Variants in AARS2 observed in about 807,000 individuals in gnomAD.
The protein encoded by AARS2 is alanine--tRNA ligase, mitochondrial.
AARS2 carries 78 observed loss-of-function variants against 119.7 expected under a neutral mutation model. The observed-to-expected ratio is 0.65, with a 90% confidence interval of 0.54 to 0.79. The LOEUF (loss-of-function observed/expected upper bound fraction) is 0.79, where lower values mean the gene tolerates loss of function less well. AARS2 is among the 30% of genes least tolerant of loss of function. AARS2 has a pLI of 0.00. For synonymous variants in AARS2, 502 were observed against 526.3 expected, an observed-to-expected ratio of 0.95 and a Z score of 0.63; for missense variants, 1,157 against 1,291.3, an observed-to-expected ratio of 0.90 and a Z score of 1.59.
intron 4 of AARS2, 141 bp downstream of exon 4, chr6:44,310,853 A>G (rs1786286589): frequency 9.8e-7 from 1 of 1,019,010 alleles, no homozygotes; most frequent in Non-Finnish European, 1.5e-6. Context: ...GTTATTATCT[A>G]TAAGGTGTTG....
At position 44,304,773 on chromosome 6, in the gene AARS2, C is replaced by T. The variant is rs1469065207; in HGVS notation, c.1624G>A (p.Asp542Asn). The T allele has an allele frequency of 2.5e-6, 4 of 1,614,088 alleles. No homozygotes were observed. Among genetic ancestry groups the T allele is most frequent in the Non-Finnish European group, 3.4e-6 (4 of 1,180,040 alleles). Residue 542 changes from aspartate to asparagine, a missense_variant, in exon 12 of 22, where the codon GAC becomes AAC. By Grantham distance (23) the Asp-to-Asn change is conservative (BLOSUM62 1). Transcript: ENST00000244571. ...CCCACGGAGGCCACTGCTGTCCCGTCCTCTGTATACAGTTGCAACACCTGG... is the reference window on the plus strand; with the variant it reads ...CCCACGGAGGCCACTGCTGTCCCGTTCTCTGTATACAGTTGCAACACCTGG... ...EAQVLQLYTEDGTAVASVGKG... is the reference protein window; with the variant it reads ...EAQVLQLYTENGTAVASVGKG...
chr6:44,303,571 C>A, intron 14 of AARS2, 148 bp from the exon 15 acceptor site: 1 of 1,236,596 alleles, frequency 8.1e-7, no homozygotes, highest in South Asian at 1.3e-5. Flanking sequence ...ATAAACACTA[C>A]CTGAGCAGAC....
Position 44,310,525 on chromosome 6 carries a change from G to A in AARS2, c.750-82C>T, listed in dbSNP as rs1253613425. 1.3e-5 allele frequency: 20 copies of A among 1,570,182 alleles called. No individual in the cohort carries two copies. The East Asian group carries it at 2.9e-4, about 23-fold the overall frequency. ...GATGCCCAAGTGGAGTAGAGAAATG[G>A]GGGGGGGCCCAAGGGAGCTGACAGT... On this transcript the variant is annotated intron_variant, in intron 4 of 21. Transcript: ENST00000244571.
In AARS2 at chr6:44,311,081, C is replaced by G; in HGVS notation, c.662G>C (p.Cys221Ser). 6.2e-7 allele frequency: 1 copy of G among 1,614,090 alleles called. No homozygotes were observed. The highest frequency in any genetic ancestry group is 1.1e-5 in the South Asian group (1 of 91,084). ...EMGDTGPCGP[C>S]TEIHYDLAGG... ...AGCAAGGTCGTAGTGGATCTCAGTA[C>G]AGGGCCCACAAGGGCCAGTATCCCC... Residue 221 changes from cysteine to serine, a missense_variant, in exon 4 of 22, where the codon TGT becomes TCT. Cys to Ser is a moderately radical substitution (Grantham distance 112). Coordinates refer to ENST00000244571, the MANE Select transcript of AARS2 (RefSeq NM_020745.4).
At chr6:44,304,075 G>T in intron 14 of AARS2, 106 bp downstream of exon 14, 1 of 1,531,428 alleles carries the variant, frequency 6.5e-7, no homozygotes, top group Non-Finnish European at 8.9e-7. Flanking sequence ...GGGTGGCCGT[G>T]CTGGGCCTAG....
At chr6:44,302,555 C>T (rs775259756) in intron 17 of AARS2, 42 bp from the exon 18 acceptor site, 1 of 1,613,040 alleles carries the variant, frequency 6.2e-7, no homozygotes, top group South Asian at 1.1e-5. Context: ...CATTCATCTC[C>T]CCAGGACAAG....
rs1167879093 is a variant in AARS2 at position 44,299,886 on chromosome 6, TCAGA to T, written c.*657_*660del. On this transcript the variant is annotated 3_prime_UTR_variant, in exon 22 of 22. Transcript: ENST00000244571. ...CCCGATTTGGATCCTGGGTGGCCTT[TCAGA>T]CAGTGTGAGTTCAGACTGGTCTTAG... 1 of 154,062 alleles carries T rather than the reference TCAGA, an allele frequency of 6.5e-6. No homozygotes were observed. Among genetic ancestry groups the T allele is most frequent in the Non-Finnish European group, 1.4e-5 (1 of 69,294 alleles). The allele number at this position is 154,062 out of a possible 1,614,324, so 9.5% of individuals were successfully genotyped here. A position where few individuals can be genotyped will look rare whatever the true frequency, so the allele number is the denominator to read the frequency against.
In AARS2 at chr6:44,300,510, T is replaced by G; in HGVS notation, c.*37A>C. On this transcript the variant is annotated 3_prime_UTR_variant, in exon 22 of 22. Transcript: ENST00000244571. ...CTGGCTCCTTCAGGGCTCCTGGCAT[T>G]GCCTTTAGTCCATGTGGGTCCCTGG... 2 of 1,613,622 alleles carry G rather than the reference T, an allele frequency of 1.2e-6. No homozygotes were observed. Among genetic ancestry groups the G allele is most frequent in the South Asian group, 2.2e-5 (2 of 91,088 alleles).
In AARS2 at chr6:44,308,102, G is replaced by T. The variant is rs547282059; in HGVS notation, c.895-708C>A. ...TGACATCTCTCAAATCAATCTACTTGTCTCTACTTCCACTGCTATTATCCG... is the reference window on the plus strand; with the variant it reads ...TGACATCTCTCAAATCAATCTACTTTTCTCTACTTCCACTGCTATTATCCG... On this transcript the variant is annotated intron_variant, in intron 5 of 21. Coordinates refer to ENST00000244571, the MANE Select transcript of AARS2 (RefSeq NM_020745.4). 2.0e-5 allele frequency among the ~76,000 whole-genome samples: 3 copies of T among 152,190 alleles called. No homozygotes were observed. In the East Asian group the frequency reaches 5.8e-4, roughly 29 times the overall value.
In AARS2 at chr6:44,313,134, C is replaced by A. The variant is rs1786520053; in HGVS notation, c.190G>T (p.Val64Leu). The change falls in exon 1 of 22, where the codon GTG becomes TTG. Residue 64 changes from valine (V) to leucine (L), a missense_variant. Coordinates refer to ENST00000244571, the MANE Select transcript of AARS2 (RefSeq NM_020745.4). The part of the protein sequence containing the change: ...HGHRLVPSAS[V>L]RPRGDPSLLF... ...AAACTGGGGTCGCCGCGGGGCCGCA[C>A]GGAAGCGGAGGGCACCAGCCGGTGG... The A allele has an allele frequency of 6.2e-7, 1 of 1,611,862 alleles. No homozygotes were observed.
chr6:44,300,421 T>A lies in AARS2; in HGVS notation c.*126A>T. 1 of 1,408,868 alleles carries A rather than the reference T, an allele frequency of 7.1e-7. No individual in the cohort carries two copies. 87.3% of individuals were successfully genotyped at this position (1,408,868 alleles called of 1,614,324 possible). A position where few individuals can be genotyped will look rare whatever the true frequency, so the allele number is the denominator to read the frequency against. On this transcript the variant is annotated 3_prime_UTR_variant, in exon 22 of 22. Coordinates refer to ENST00000244571, the MANE Select transcript of AARS2 (RefSeq NM_020745.4). ...CACGTAGGCCCTGGCCCAGGTGATC[T>A]TCTTTGGCTCAGCTGCTTGGCCTCC...
chr6:44,311,355 C>T (rs767336827), intron 3 of AARS2, 35 bp downstream of exon 3: 5 of 1,614,004 alleles, frequency 3.1e-6, no homozygotes, highest in African/African-American at 1.3e-5. Flanking sequence ...TCCTCCTGAC[C>T]TCCAGGAATG....
rs765565206 is a variant in AARS2, at chr6:44,302,075, C to T, written c.2583G>A (p.Lys861=). Residue 861 remains lysine (K), a synonymous_variant, in exon 19 of 22, where the codon AAG becomes AAA. Coordinates refer to ENST00000244571, the MANE Select transcript of AARS2 (RefSeq NM_020745.4). Reference sequence around the variant, plus strand: ...CTCCTCTCACCTGTCCCATTTGCAGCTTACGGATGGCAGTGTTGGCACGCC... The same window carrying T: ...CTCCTCTCACCTGTCCCATTTGCAGTTTACGGATGGCAGTGTTGGCACGCC... ...LQRRANTAIR[K]LQMGQAAKKT... 97 of 1,614,008 alleles carry T rather than the reference C, an allele frequency of 6.0e-5. 1 individual carries two copies. The East Asian group carries it at 2.1e-3, about 36-fold the overall frequency.
chr6:44,306,237 G>C, intron 9 of AARS2, 43 bp downstream of exon 9: 1 of 1,590,794 alleles, frequency 6.3e-7, no homozygotes, highest in Non-Finnish European at 8.6e-7. Context: ...ACCTTGGTGA[G>C]TCTCAGCGAG....
At position 44,311,074 on chromosome 6, in the gene AARS2, C is replaced by T; in HGVS notation, c.669G>A (p.Glu223=). ...CCCCACCAGCAAGGTCGTAGTGGAT[C>T]TCAGTACAGGGCCCACAAGGGCCAG... The part of the protein sequence containing the change: ...GDTGPCGPCT[E]IHYDLAGGVG... Residue 223 remains glutamate (E), a synonymous_variant, in exon 4 of 22, where the codon GAG becomes GAA. Transcript: ENST00000244571. 6.2e-7 allele frequency: 1 copy of T among 1,614,082 alleles called. No homozygotes were observed. Among genetic ancestry groups the T allele is most frequent in the South Asian group, 1.1e-5 (1 of 91,080 alleles).
rs1785227460 is a variant in AARS2 at position 44,300,000 on chromosome 6, G to C, written c.*547C>G. On this transcript the variant is annotated 3_prime_UTR_variant, in exon 22 of 22. Transcript: ENST00000244571. ...TATCCTCTGTGAAATAATTATTTGAGACAGAGTCTCGCTCTGTCACCCAGG... is the reference window on the plus strand; with the variant it reads ...TATCCTCTGTGAAATAATTATTTGACACAGAGTCTCGCTCTGTCACCCAGG... 1 of 136,804 alleles carries C rather than the reference G, an allele frequency of 7.3e-6. No homozygotes were observed. The highest frequency in any genetic ancestry group is 2.9e-5 in the African/African-American group (1 of 34,860). 8.5% of individuals were successfully genotyped at this position (136,804 alleles called of 1,614,324 possible).
chr6:44,301,287 G>A (rs768076076), intron 20 of AARS2, 21 bp from the exon 21 acceptor site: 21 of 1,613,490 alleles, frequency 1.3e-5, no homozygotes, highest in East Asian at 6.7e-5. Context: ...AAAGACAGAT[G>A]GTGAGCCCAT....
Position 44,312,158 on chromosome 6 carries a change from C to T in AARS2, c.349G>A (p.Asp117Asn), listed in dbSNP as rs372086335. The change falls in exon 2 of 22, where the codon GAC becomes AAC. Residue 117 changes from aspartate to asparagine, a missense_variant. Coordinates refer to ENST00000244571, the MANE Select transcript of AARS2 (RefSeq NM_020745.4). ...AGGTCTCGACCCACATCTTCCAGGT[C>T]GTTATGGTGTCCTCCAGCTCTCACA... The part of the protein sequence containing the change: ...KCVRAGGHHN[D>N]LEDVGRDLSH... 1.9e-6 allele frequency: 3 copies of T among 1,614,274 alleles called. No individual in the cohort carries two copies. The highest frequency in any genetic ancestry group is 2.5e-6 in the Non-Finnish European group (3 of 1,180,058).
rs981526858 is a variant in AARS2 at position 44,299,040 on chromosome 6, C to T, written c.*1507G>A. On this transcript the variant is annotated 3_prime_UTR_variant, in exon 22 of 22. Coordinates refer to ENST00000244571, the MANE Select transcript of AARS2 (RefSeq NM_020745.4). The stretch of plus-strand genomic sequence containing the variant: ...CTCCAGCCTCCTCACCTGCCCCTAT[C>T]CCAGCTCACTGCTCAGTGGCACTGG... Among the ~76,000 whole-genome samples the T allele has an allele frequency of 4.7e-5, 7 of 150,196 alleles. No homozygotes were observed. Among genetic ancestry groups the T allele is most frequent in the Non-Finnish European group, 8.8e-5 (6 of 68,046 alleles).
Sources: gnomAD v4.1 joint callset for allele counts (sites outside exome capture counted in the v4.1 genomes callset) on GRCh38, gnomAD v4.1.1 for gene constraint, MANE v1.5 for transcripts, NCBI Gene and HGNC (gene_info 2026-07-23, HGNC 2026-07-21) for gene names.